Variants in KHDRBS3 observed in about 807,000 individuals in gnomAD.
The protein encoded by KHDRBS3 is KH domain-containing, RNA-binding, signal transduction-associated protein 3.
A neutral mutation model predicts 45.6 loss-of-function variants in KHDRBS3; 23 were observed. The observed-to-expected ratio is 0.50, with a 90% confidence interval of 0.36 to 0.72. KHDRBS3 has a LOEUF of 0.72. Among genes scored for constraint, KHDRBS3 ranks in the 30% least tolerant of loss-of-function variants. The probability of loss-of-function intolerance (pLI) is 0.00; values close to 1 mark genes in which losing one functional copy is unlikely to be tolerated. For synonymous variants in KHDRBS3, 162 were observed against 156.5 expected (o/e 1.04, Z -0.26); for missense variants, 352 against 424.8 (o/e 0.83, Z 1.51).
At chr8:135,520,376 A>G (rs1047984341) in intron 1 of KHDRBS3, among the ~76,000 whole-genome samples, 11 of 152,300 alleles carry the variant, frequency 7.2e-5, no homozygotes, top group Middle Eastern at 3.4e-3. Context: ...ACCAAATACT[A>G]TGGGCCATAG....
At chr8:135,628,747 T>C (rs1012760453) in intron 7 of KHDRBS3, among the ~76,000 whole-genome samples, 6 of 152,220 alleles carry the variant, frequency 3.9e-5, no homozygotes, top group Admixed American at 2.0e-4. Flanking sequence ...TCCTTATTGC[T>C]TCCTCTGAGT....
chr8:135,615,198 G>T (rs1016006034), intron 7 of KHDRBS3, among the ~76,000 whole-genome samples: 2 of 151,750 alleles, frequency 1.3e-5, no homozygotes, highest in African/African-American at 4.9e-5. Context: ...CCACAGATGG[G>T]CCTAGGAGAA....
At chr8:135,485,017 G>A (rs549176019) in intron 1 of KHDRBS3, among the ~76,000 whole-genome samples, 11 of 152,290 alleles carry the variant, frequency 7.2e-5, no homozygotes, top group South Asian at 6.2e-4. Flanking sequence ...ACCAGGATGT[G>A]TACAGTGGCA....
chr8:135,481,234 A>ATG (rs1563709769), intron 1 of KHDRBS3, among the ~76,000 whole-genome samples: 1 of 62,512 alleles, frequency 1.6e-5, no homozygotes, highest in African/African-American at 7.6e-5. Context: ...ATATATATAT[A>ATG]TATATATATA....
At chr8:135,562,675 G>T (rs900168568) in intron 5 of KHDRBS3, among the ~76,000 whole-genome samples, 3 of 152,166 alleles carry the variant, frequency 2.0e-5, no homozygotes, top group African/African-American at 7.2e-5. Context: ...CCAAGGGTAA[G>T]GTCAGTACAC....
intron 1 of KHDRBS3, among the ~76,000 whole-genome samples, chr8:135,483,511 A>G (rs1005634127): frequency 1.3e-5 from 2 of 152,210 alleles, no homozygotes; most frequent in Non-Finnish European, 2.9e-5. Context: ...TCTGAAGCTA[A>G]TTAGTCCCTG....
At chr8:135,643,071 G>C (rs900717731) in intron 7 of KHDRBS3, among the ~76,000 whole-genome samples, 6 of 152,072 alleles carry the variant, frequency 3.9e-5, no homozygotes, top group African/African-American at 1.2e-4. Flanking sequence ...GAGATTACAG[G>C]CATGAGCCAC....
chr8:135,485,584 C>T (rs1477414361), intron 1 of KHDRBS3, among the ~76,000 whole-genome samples: 1 of 152,046 alleles, frequency 6.6e-6, no homozygotes. Context: ...CATCTAAGTT[C>T]TTGCTTATTG....
intron 6 of KHDRBS3, 70 bp from the exon 7 acceptor site, chr8:135,606,885 A>G: frequency 8.2e-7 from 1 of 1,212,566 alleles, no homozygotes; most frequent in Non-Finnish European, 1.2e-6. Flanking sequence ...GAAATTCACT[A>G]AAAGCAGAAT....
At chr8:135,527,701 A>G (rs1481907860) in intron 2 of KHDRBS3, among the ~76,000 whole-genome samples, 1 of 152,256 alleles carries the variant, frequency 6.6e-6, no homozygotes, top group East Asian at 1.9e-4. Context: ...ATATGACATT[A>G]AATACGTTAT....
At chr8:135,598,586 G>T (rs1183652408) in intron 6 of KHDRBS3, among the ~76,000 whole-genome samples, 1 of 152,108 alleles carries the variant, frequency 6.6e-6, no homozygotes, top group African/African-American at 2.4e-5. Context: ...ATTCTTAAAT[G>T]ATGACTTATT....
chr8:135,621,605 T>C (rs1830141815), intron 7 of KHDRBS3, among the ~76,000 whole-genome samples: 1 of 151,928 alleles, frequency 6.6e-6, no homozygotes, highest in Non-Finnish European at 1.5e-5. Flanking sequence ...GCACCTGAGA[T>C]AGTGAGTTAT....
At chr8:135,594,363 G>A (rs1586774552) in intron 6 of KHDRBS3, among the ~76,000 whole-genome samples, 2 of 152,142 alleles carry the variant, frequency 1.3e-5, no homozygotes, top group East Asian at 1.9e-4. Context: ...TATCATAGGG[G>A]TTAAAAGCAA....
intron 2 of KHDRBS3, among the ~76,000 whole-genome samples, chr8:135,523,159 CATATA>C (rs938329709): frequency 3.9e-5 from 6 of 152,230 alleles, no homozygotes; most frequent in East Asian, 3.9e-4. Context: ...TTTACAATTA[CATATA>C]AATTTAAGAA....
intron 4 of KHDRBS3, among the ~76,000 whole-genome samples, chr8:135,551,570 G>A (rs1378505988): frequency 6.6e-6 from 1 of 152,102 alleles, no homozygotes; most frequent in Non-Finnish European, 1.5e-5. Flanking sequence ...GATTTCAGAT[G>A]TGAAGCCACA....
At chr8:135,637,861 G>T (rs987011107) in intron 7 of KHDRBS3, among the ~76,000 whole-genome samples, 6 of 152,130 alleles carry the variant, frequency 3.9e-5, no homozygotes, top group African/African-American at 1.4e-4. Flanking sequence ...AGAATTAAAA[G>T]ATTATCTAAG....
chr8:135,581,774 A>C (rs750527411), intron 5 of KHDRBS3, 104 bp from the exon 6 acceptor site: 25 of 971,436 alleles, frequency 2.6e-5, no homozygotes, highest in Non-Finnish European at 5.8e-6. Flanking sequence ...TCCTTTTTAC[A>C]AAAATATAGA....
At chr8:135,500,453 G>A (rs1419442692) in intron 1 of KHDRBS3, among the ~76,000 whole-genome samples, 1 of 152,146 alleles carries the variant, frequency 6.6e-6, no homozygotes, top group African/African-American at 2.4e-5. Flanking sequence ...TTTTTTAAAT[G>A]CGAGAACAGA....
At chr8:135,563,342 C>T (rs536011875) in intron 5 of KHDRBS3, among the ~76,000 whole-genome samples, 24 of 152,314 alleles carry the variant, frequency 1.6e-4, no homozygotes, top group African/African-American at 4.1e-4. Flanking sequence ...TTCTCCTTCT[C>T]GTTGAAGGCT....
Sources: allele counts gnomAD v4.1 joint callset (sites outside exome capture counted in the v4.1 genomes callset), GRCh38; gene constraint gnomAD v4.1.1; transcripts MANE v1.5; gene names NCBI Gene and HGNC (gene_info 2026-07-23, HGNC 2026-07-21).